Variants in ATP2B2 observed in about 807,000 individuals in gnomAD.
ATP2B2 encodes the protein ATPase plasma membrane Ca2+ transporting 2.
A neutral mutation model predicts 120.0 loss-of-function variants in ATP2B2; 15 were observed. The observed-to-expected ratio is 0.12, with a 90% CI of 0.08 to 0.19. The LOEUF is 0.19. ATP2B2 is among the 10% of genes least tolerant of loss of function. The pLI, the probability that ATP2B2 is intolerant of heterozygous loss-of-function variation, is 1.00. For missense variants in ATP2B2, 1,045 were observed against 1,719.8 expected, an observed-to-expected ratio of 0.61 and a Z score of 6.94; for synonymous variants, 694 against 700.3, an observed-to-expected ratio of 0.99 and a Z score of 0.14.
intron 1 of ATP2B2, among the ~76,000 whole-genome samples, chr3:10,707,210 A>T (rs1254800344): frequency 6.6e-6 from 1 of 152,012 alleles, no homozygotes; most frequent in Non-Finnish European, 1.5e-5. Context: ...GGATCTGAGG[A>T]CCCACTGAAT....
Position 10,635,164 on chromosome 3 carries a change from C to G in ATP2B2, c.-459-15203G>C, listed in dbSNP as rs1225477868. On this transcript the variant is annotated intron_variant, in intron 1 of 21. Transcript: ENST00000646379. This position sits in a 1 kb window ranked among gnomAD's most constrained non-coding sequence, Gnocchi z 4.3. The stretch of plus-strand genomic sequence containing the variant: ...ATATGGAAAGTGTCACTACTCAGCT[C>G]AAGGTTGCCTGAGCTTCCAATTTTC... Among the ~76,000 whole-genome samples, 2 of 152,108 alleles carry G rather than the reference C, an allele frequency of 1.3e-5. No individual in the cohort carries two copies. Among genetic ancestry groups the G allele is most frequent in the African/African-American group, 4.8e-5 (2 of 41,414 alleles).
At chr3:10,452,237 G>C (rs1274745263) in intron 1 of ATP2B2, among the ~76,000 whole-genome samples, 1 of 152,248 alleles carries the variant, frequency 6.6e-6, no homozygotes, top group East Asian at 1.9e-4. Flanking sequence ...CTGTAAGAAG[G>C]GCCTGGCAGG....
At chr3:10,337,830 C>T (rs1478190788) in intron 22 of ATP2B2, among the ~76,000 whole-genome samples, 4 of 152,062 alleles carry the variant, frequency 2.6e-5, no homozygotes, top group African/African-American at 9.7e-5. Flanking sequence ...TGGGTGGGTG[C>T]CCCCAGCCCT....
rs559385384 is a variant in ATP2B2, at chr3:10,693,418, C to T, written c.-460+14497G>A. 5.8e-4 allele frequency among the ~76,000 whole-genome samples: 89 copies of T among 152,306 alleles called. 2 individuals are homozygous for T. In the South Asian group the frequency reaches 0.018, roughly 30 times the overall value. On this transcript the variant is annotated intron_variant, in intron 1 of 21. Transcript: ENST00000646379. Reference sequence around the variant, plus strand: ...ACAGGCCTGCTCTGGTGTGGGAGCACTGCAAGGAACAAAAAAGACAAAACC... The same window carrying T: ...ACAGGCCTGCTCTGGTGTGGGAGCATTGCAAGGAACAAAAAAGACAAAACC...
At chr3:10,464,763 G>C (rs878877515) in intron 1 of ATP2B2, among the ~76,000 whole-genome samples, 7 of 152,220 alleles carry the variant, frequency 4.6e-5, no homozygotes, top group Admixed American at 4.6e-4. Context: ...AGTTAATGCA[G>C]GGCACAGGGC....
Position 10,324,172 on chromosome 3 carries a change from C to T in ATP2B2, c.*4642G>A, listed in dbSNP as rs752713203. ...CAGTCACTTCCCAGCCCCGATTGTC[C>T]CAGAGCCCCCCAGAGCCCGGGCAGC... On this transcript the variant is annotated 3_prime_UTR_variant, in exon 23 of 23. Coordinates refer to ENST00000360273, the MANE Select transcript of ATP2B2 (RefSeq NM_001001331.4). The T allele has an allele frequency of 4.6e-5, 7 of 151,974 alleles. No homozygotes were observed. The highest frequency in any genetic ancestry group is 8.8e-5 in the Non-Finnish European group (6 of 68,000). The allele number at this position is 151,974 out of a possible 1,614,324, so 9.4% of individuals were successfully genotyped here.
At chr3:10,676,291 T>C (rs1208603246) in intron 1 of ATP2B2, among the ~76,000 whole-genome samples, 1 of 152,160 alleles carries the variant, frequency 6.6e-6, no homozygotes, top group Non-Finnish European at 1.5e-5. Context: ...ATCCCCTTTG[T>C]GGGTTCCAGC....
At chr3:10,441,174 A>T (rs1194932361) in intron 2 of ATP2B2, among the ~76,000 whole-genome samples, 1 of 152,036 alleles carries the variant, frequency 6.6e-6, no homozygotes, top group African/African-American at 2.4e-5. Flanking sequence ...CCCTGGCTAC[A>T]CTGAGGCCTT....
intron 5 of ATP2B2, chr3:10,394,676 T>TG: frequency 2.5e-6 from 1 of 399,940 alleles, no homozygotes; most frequent in Non-Finnish European, 5.4e-6. Flanking sequence ...CTTGGTGGGG[T>TG]GGGCAGCAGG....
At chr3:10,681,708 A>C (rs948231639) in intron 1 of ATP2B2, among the ~76,000 whole-genome samples, 15 of 152,254 alleles carry the variant, frequency 9.9e-5, no homozygotes, top group Admixed American at 2.0e-4. Flanking sequence ...TATAAGATGC[A>C]GGTCCTATTA....
intron 5 of ATP2B2, 58 bp downstream of exon 5, chr3:10,400,895 C>T (rs975683695): frequency 6.0e-5 from 97 of 1,610,990 alleles, no homozygotes; most frequent in Non-Finnish European, 8.0e-5. Flanking sequence ...GAAGGGGACA[C>T]ACAGGCATCC....
At position 10,463,029 on chromosome 3, in the gene ATP2B2, G is replaced by C. The variant is rs1198747835; in HGVS notation, c.-319-13167C>G. Among the ~76,000 whole-genome samples the C allele has an allele frequency of 1.1e-4, 16 of 152,262 alleles. No homozygotes were observed. The South Asian group carries it at 3.1e-3, about 30-fold the overall frequency. ...CATATATGTTCCTTGGATCCAGAAT[G>C]GTCTACCACCTGCTTTTCCATTAAT... On this transcript the variant is annotated intron_variant, in intron 1 of 22. Transcript: ENST00000360273.
At position 10,626,105 on chromosome 3, in the gene ATP2B2, C is replaced by A. The variant is rs1032905450; in HGVS notation, c.-459-6144G>T. 7 of 152,144 alleles carry A rather than the reference C, an allele frequency of 4.6e-5. No individual in the cohort carries two copies. In the East Asian group the frequency reaches 1.2e-3, roughly 25 times the overall value. 9.4% of individuals were successfully genotyped at this position (152,144 alleles called of 1,614,324 possible). A position where few individuals can be genotyped will look rare whatever the true frequency, so the allele number is the denominator to read the frequency against. The stretch of plus-strand genomic sequence containing the variant: ...TACTTTTTAGTACAGGTGTTCTGAT[C>A]TCCAGGTGTGGAGGGAGGGAAAGAA... On this transcript the variant is annotated intron_variant, in intron 1 of 21. Transcript: ENST00000646379.
chr3:10,435,884 T>C lies in ATP2B2; in HGVS notation c.199+13461A>G, dbSNP rs1465878295. 5.3e-5 allele frequency among the ~76,000 whole-genome samples: 8 copies of C among 152,212 alleles called. No homozygotes were observed. In the East Asian group the frequency reaches 1.3e-3, roughly 26 times the overall value. On this transcript the variant is annotated intron_variant, in intron 2 of 22. Coordinates refer to ENST00000360273, the MANE Select transcript of ATP2B2 (RefSeq NM_001001331.4). Reference sequence around the variant, plus strand: ...AAAAAGATATTATAAAAGAAAAAACTACAGCTTAAAGAAATTATCAAGAAG... The same window carrying C: ...AAAAAGATATTATAAAAGAAAAAACCACAGCTTAAAGAAATTATCAAGAAG...
chr3:10,410,186 T>A (rs940845455), intron 3 of ATP2B2, among the ~76,000 whole-genome samples: 3 of 152,132 alleles, frequency 2.0e-5, no homozygotes, highest in African/African-American at 7.2e-5. Flanking sequence ...GGGGAACAGG[T>A]GGTACTTAGT....
At chr3:10,696,522 G>A (rs940424244) in intron 1 of ATP2B2, among the ~76,000 whole-genome samples, 5 of 152,070 alleles carry the variant, frequency 3.3e-5, no homozygotes, top group African/African-American at 7.2e-5. Context: ...ATGGCCTGGC[G>A]CAGGGTTTCC....
chr3:10,493,660 G>C (rs2066021635), intron 1 of ATP2B2, among the ~76,000 whole-genome samples: 1 of 152,222 alleles, frequency 6.6e-6, no homozygotes, highest in African/African-American at 2.4e-5. Flanking sequence ...TGGGGGACCA[G>C]TAGGGAAGGC....
At chr3:10,641,959 C>T (rs540126776) in intron 1 of ATP2B2, among the ~76,000 whole-genome samples, 1 of 140,724 alleles carries the variant, frequency 7.1e-6, no homozygotes, top group African/African-American at 2.7e-5. Flanking sequence ...CACTCACTCA[C>T]CCATCCACTC....
At chr3:10,651,115 A>G (rs141515085) in intron 1 of ATP2B2, among the ~76,000 whole-genome samples, 2,010 of 152,286 alleles carry the variant, frequency 0.013, 40 homozygotes, top group African/African-American at 0.045. Flanking sequence ...GGCAGAAGGG[A>G]CTTGCCTTGT....
Sources: gnomAD v4.1 joint callset for allele counts (sites outside exome capture counted in the v4.1 genomes callset) on GRCh38, gnomAD v4.1.1 for gene constraint, Gnocchi (gnomAD v3.1) non-coding constraint, MANE v1.5 for transcripts, NCBI Gene and HGNC (gene_info 2026-07-23, HGNC 2026-07-21) for gene names.